Variants in ITPR1 observed in about 807,000 individuals in gnomAD.
ITPR1 encodes the protein inositol 1,4,5-trisphosphate receptor type 1, also known as inositol 1,4,5-trisphosphate-gated calcium channel ITPR1.
ITPR1 carries 96 observed loss-of-function variants against 318.4 expected under a neutral mutation model. That is an observed-to-expected ratio of 0.30 (90% CI 0.26 to 0.36). ITPR1 has a LOEUF of 0.36. Ranked by LOEUF, ITPR1 falls within the 10% of genes least tolerant of loss-of-function variation. ITPR1 has a pLI of 1.00. For synonymous variants in ITPR1, 1,312 were observed against 1,289.9 expected (o/e 1.02, Z -0.37); for missense variants, 2,440 against 3,460.2 (o/e 0.71, Z 7.40).
Position 4,584,390 on chromosome 3 carries a change from G to A in ITPR1, c.164-43373G>A, listed in dbSNP as rs566635559. 2.5e-3 allele frequency among the ~76,000 whole-genome samples: 386 copies of A among 152,092 alleles called. 1 individual carries two copies. Among genetic ancestry groups the A allele is most frequent in the Non-Finnish European group, 3.2e-3 (220 of 67,972 alleles). ...GGCTTATTCCTTGGAGCTTATATTC[G>A]TTTTGTGTCTTAGCCTAAAAACGAA... On this transcript the variant is annotated intron_variant, in intron 4 of 61. Transcript: ENST00000649015.
chr3:4,562,158 C>T (rs2086743976), intron 4 of ITPR1, among the ~76,000 whole-genome samples: 1 of 151,842 alleles, frequency 6.6e-6, no homozygotes, highest in Admixed American at 6.5e-5. Context: ...TACAGATTTG[C>T]GTTGGGCTGC....
chr3:4,645,193 T>TG (rs1328881713), intron 8 of ITPR1, among the ~76,000 whole-genome samples, 194 bp from the exon 9 acceptor site: 1 of 152,178 alleles, frequency 6.6e-6, no homozygotes, highest in Non-Finnish European at 1.5e-5. Context: ...TTGGTGCAAA[T>TG]GAACCATTTA....
In ITPR1 at chr3:4,645,864, A is replaced by G. The variant is rs4271897; in HGVS notation, c.855+136A>G. ...TCTATACACCCACATACACACACCTACACACACACACAGAATACATGTGTG... is the reference window on the plus strand; with the variant it reads ...TCTATACACCCACATACACACACCTGCACACACACACAGAATACATGTGTG... On this transcript the variant is annotated intron_variant, in intron 10 of 61. Coordinates refer to ENST00000649015, the MANE Select transcript of ITPR1 (RefSeq NM_001378452.1). 0.86 allele frequency: 622,579 copies of G among 723,200 alleles called. 268,650 individuals are homozygous for G. The highest frequency in any genetic ancestry group is 1 in the East Asian group (36,184 of 36,248). 44.8% of individuals were successfully genotyped at this position (723,200 alleles called of 1,614,324 possible). A position where few individuals can be genotyped will look rare whatever the true frequency, so the allele number is the denominator to read the frequency against.
Position 4,663,210 on chromosome 3 carries a change from G to A in ITPR1, c.1554+4G>A, listed in dbSNP as rs117503975. 4.2e-5 allele frequency: 67 copies of A among 1,608,286 alleles called. 1 individual carries two copies. The highest frequency in any genetic ancestry group is 4.1e-4 in the South Asian group (37 of 90,284). ...AGAACAGAATATTCTCAAGCAGGTC[G>A]GTGAGATGTGGCGTACTGGGGATTT... On this transcript the variant is annotated splice_donor_region_variant and intron_variant, in intron 16 of 61. Coordinates refer to ENST00000649015, the MANE Select transcript of ITPR1 (RefSeq NM_001378452.1).
chr3:4,710,514 C>T lies in ITPR1; in HGVS notation c.4991+41C>T. ...CTCTGGGGTGTTCATTTGCCAGAAC[C>T]TTGATGACCTCACAAAGCTTTTGTT... On this transcript the variant is annotated intron_variant, in intron 38 of 61. Transcript: ENST00000649015. This position sits in a 1 kb window ranked among gnomAD's most constrained non-coding sequence, Gnocchi z 4.2. 6.5e-7 allele frequency: 1 copy of T among 1,534,402 alleles called. No homozygotes were observed. The highest frequency in any genetic ancestry group is 8.8e-7 in the Non-Finnish European group (1 of 1,134,198).
chr3:4,528,661 T>C (rs1439249305), intron 4 of ITPR1, among the ~76,000 whole-genome samples: 4 of 152,192 alleles, frequency 2.6e-5, no homozygotes, highest in Non-Finnish European at 5.9e-5. Context: ...ATAGTAGGGG[T>C]ATAGGACTTA....
chr3:4,814,899 G>T, intron 58 of ITPR1, 154 bp from the exon 59 acceptor site: 1 of 691,208 alleles, frequency 1.4e-6, no homozygotes, highest in East Asian at 2.5e-5. Flanking sequence ...TGAGACAGGG[G>T]ACATGAAAAG....
At chr3:4,511,445 T>A (rs1447120817) in intron 2 of ITPR1, among the ~76,000 whole-genome samples, 1 of 152,170 alleles carries the variant, frequency 6.6e-6, no homozygotes, top group Non-Finnish European at 1.5e-5. Flanking sequence ...GATCTACCTT[T>A]CTTTGCCTTG....
At chr3:4,556,100 AT>A (rs2125008329) in intron 4 of ITPR1, among the ~76,000 whole-genome samples, 1 of 152,320 alleles carries the variant, frequency 6.6e-6, no homozygotes, top group East Asian at 1.9e-4. Flanking sequence ...ATTTTTTCTA[AT>A]TTAGTTAAAA....
intron 5 of ITPR1, among the ~76,000 whole-genome samples, chr3:4,631,556 T>G (rs1463195995): frequency 6.6e-6 from 1 of 152,184 alleles, no homozygotes; most frequent in African/African-American, 2.4e-5. Context: ...TTGGGGATTT[T>G]GGTCTTTTTT....
chr3:4,824,762 CT>C (rs1416542695), intron 60 of ITPR1, among the ~76,000 whole-genome samples: 2 of 152,160 alleles, frequency 1.3e-5, no homozygotes, highest in African/African-American at 2.4e-5. Flanking sequence ...TGGGGTGTGA[CT>C]TTCCGAGCTG....
chr3:4,507,197 G>A (rs964215159), intron 2 of ITPR1, among the ~76,000 whole-genome samples: 4 of 149,108 alleles, frequency 2.7e-5, no homozygotes, highest in African/African-American at 9.9e-5. Flanking sequence ...TCAGTCTGTT[G>A]TTACATCATG....
chr3:4,722,254 GC>G (rs1462967938), intron 40 of ITPR1, among the ~76,000 whole-genome samples: 9 of 152,190 alleles, frequency 5.9e-5, no homozygotes, highest in African/African-American at 2.2e-4. Flanking sequence ...GCAGTAGAGG[GC>G]ACTAGTTGGT....
chr3:4,642,067 A>G lies in ITPR1; in HGVS notation c.367-26A>G. 2.0e-6 allele frequency: 3 copies of G among 1,533,184 alleles called. No homozygotes were observed. The Admixed American group carries it at 6.1e-5, about 31-fold the overall frequency. The allele number at this position is 1,533,184 out of a possible 1,614,324, so 95.0% of individuals were successfully genotyped here. A position where few individuals can be genotyped will look rare whatever the true frequency, so the allele number is the denominator to read the frequency against. ...AGAAAATTCAGATTTGCTGACACTC[A>G]CTTTATTCTCTTGGTGGGTTTTTAG... is the stretch of plus-strand genomic sequence containing the variant. On this transcript the variant is annotated intron_variant, in intron 6 of 61. Transcript: ENST00000649015.
At chr3:4,648,249 A>G (rs1043603071) in intron 10 of ITPR1, among the ~76,000 whole-genome samples, 1 of 151,958 alleles carries the variant, frequency 6.6e-6, no homozygotes, top group Admixed American at 6.6e-5. Context: ...GTTAATTCCC[A>G]CCCTCTATCC....
chr3:4,754,965 C>G (rs1385172581), intron 44 of ITPR1, among the ~76,000 whole-genome samples: 4 of 152,142 alleles, frequency 2.6e-5, no homozygotes, highest in African/African-American at 9.7e-5. Context: ...AAGATACTGG[C>G]CTTTGGCATC....
At chr3:4,609,779 C>T (rs758728146) in intron 4 of ITPR1, among the ~76,000 whole-genome samples, 6 of 152,146 alleles carry the variant, frequency 3.9e-5, no homozygotes, top group African/African-American at 4.8e-5. Flanking sequence ...TGGGTCACCA[C>T]GTATTCAATG....
intron 8 of ITPR1, 47 bp downstream of exon 8, chr3:4,644,281 C>G (rs376432009): frequency 7.3e-7 from 1 of 1,363,940 alleles, no homozygotes; most frequent in Admixed American, 1.9e-5. Context: ...CCTGCAGGAG[C>G]GGGTCTGGCA....
chr3:4,757,051 C>T (rs931415430), intron 44 of ITPR1, among the ~76,000 whole-genome samples: 9 of 152,162 alleles, frequency 5.9e-5, no homozygotes, highest in South Asian at 2.1e-4. Context: ...AGCTAAAGAA[C>T]CCAGGGCACA....
Sources: gnomAD v4.1 joint callset for allele counts (sites outside exome capture counted in the v4.1 genomes callset) on GRCh38, gnomAD v4.1.1 for gene constraint, Gnocchi (gnomAD v3.1) non-coding constraint, MANE v1.5 for transcripts, NCBI Gene and HGNC (gene_info 2026-07-23, HGNC 2026-07-21) for gene names.